KCNQ3: variants seen among roughly 807,000 people sequenced by gnomAD.
KCNQ3 encodes the protein potassium voltage-gated channel subfamily Q member 3, also known as potassium voltage-gated channel subfamily KQT member 3.
A neutral mutation model predicts 92.5 loss-of-function variants in KCNQ3; 30 were observed. The ratio of observed to expected loss-of-function variants is 0.32; its 90% CI spans 0.24 to 0.44. The LOEUF (loss-of-function observed/expected upper bound fraction) is 0.44. Ranked by LOEUF, KCNQ3 falls within the 20% of genes least tolerant of loss-of-function variation. KCNQ3 has a pLI of 1.00. For synonymous variants in KCNQ3, 450 were observed against 468.8 expected (o/e 0.96, Z 0.52); for missense variants, 913 against 1,140.3 (o/e 0.80, Z 2.87).
At chr8:132,469,069 A>G (rs1056563898) in intron 1 of KCNQ3, among the ~76,000 whole-genome samples, 1 of 152,250 alleles carries the variant, frequency 6.6e-6, no homozygotes, top group Admixed American at 6.5e-5. Flanking sequence ...GGGGGCCTCA[A>G]AACTTCACAT....
chr8:132,199,910 CAAA>C (rs66931252), intron 1 of KCNQ3, among the ~76,000 whole-genome samples: 15 of 101,832 alleles, frequency 1.5e-4, no homozygotes, highest in Middle Eastern at 6.8e-3. Flanking sequence ...ACTCAGTCTC[CAAA>C]AAAAAAAAAA....
intron 1 of KCNQ3, among the ~76,000 whole-genome samples, chr8:132,445,083 T>C (rs1821640050): frequency 6.6e-6 from 1 of 152,228 alleles, no homozygotes; most frequent in Non-Finnish European, 1.5e-5. Context: ...CTCACAATTC[T>C]ATGCCTGTTT....
Position 132,350,311 on chromosome 8 carries a change from G to A in KCNQ3, c.386+129836C>T, listed in dbSNP as rs192656012. Reference sequence around the variant, plus strand: ...GGGAGGGGCTAGGAGCTTCAGCCCTGGAGATGCTGGCTATACTTTGCTCTA... The same window carrying A: ...GGGAGGGGCTAGGAGCTTCAGCCCTAGAGATGCTGGCTATACTTTGCTCTA... On this transcript the variant is annotated intron_variant, in intron 1 of 14. Coordinates refer to ENST00000388996, the MANE Select transcript of KCNQ3 (RefSeq NM_004519.4). Among the ~76,000 whole-genome samples, 108 of 152,288 alleles carry A rather than the reference G, an allele frequency of 7.1e-4. 3 individuals are homozygous for A. The East Asian group carries it at 0.019, about 27-fold the overall frequency.
intron 14 of KCNQ3, among the ~76,000 whole-genome samples, chr8:132,131,069 G>A (rs139720244): frequency 9.9e-4 from 151 of 152,214 alleles, no homozygotes; most frequent in African/African-American, 3.5e-3. Context: ...TGACTTTTGT[G>A]AATTTTATGA....
At chr8:132,275,393 C>T (rs543665039) in intron 1 of KCNQ3, among the ~76,000 whole-genome samples, 1 of 152,120 alleles carries the variant, frequency 6.6e-6, no homozygotes, top group East Asian at 1.9e-4. Flanking sequence ...ATTGCATGAT[C>T]CCTTGAAGAG....
chr8:132,317,004 C>G (rs766069249), intron 1 of KCNQ3, among the ~76,000 whole-genome samples: 5 of 152,236 alleles, frequency 3.3e-5, no homozygotes, highest in Non-Finnish European at 5.9e-5. Flanking sequence ...ATTTACACAT[C>G]TGTCCTCCAA....
At chr8:132,273,461 AT>A (rs914156298) in intron 1 of KCNQ3, among the ~76,000 whole-genome samples, 2 of 151,878 alleles carry the variant, frequency 1.3e-5, no homozygotes, top group African/African-American at 4.8e-5. Context: ...CCATGAAACC[AT>A]TTTTTCTTCC....
chr8:132,280,174 AAAG>A (rs1436604317), intron 1 of KCNQ3, among the ~76,000 whole-genome samples: 1 of 152,216 alleles, frequency 6.6e-6, no homozygotes, highest in Non-Finnish European at 1.5e-5. Flanking sequence ...AAAATTCAAT[AAAG>A]AAGATGTCCC....
intron 1 of KCNQ3, among the ~76,000 whole-genome samples, chr8:132,295,338 A>G (rs1457925464): frequency 1.3e-5 from 2 of 152,256 alleles, no homozygotes; most frequent in Non-Finnish European, 1.5e-5. Context: ...ATGAGATAAC[A>G]TATCACACCA....
intron 1 of KCNQ3, among the ~76,000 whole-genome samples, chr8:132,297,819 C>T (rs756077949): frequency 2.5e-5 from 3 of 120,496 alleles, no homozygotes; most frequent in Non-Finnish European, 5.6e-5. Flanking sequence ...CTAACCGGAA[C>T]TCATGTATCA....
In KCNQ3 at chr8:132,120,917, A is replaced by T. The variant is rs535538176; in HGVS notation, c.*8345T>A. On this transcript the variant is annotated 3_prime_UTR_variant, in exon 15 of 15. Transcript: ENST00000388996. The stretch of plus-strand genomic sequence containing the variant: ...GCAGTATTTATTTAAGATAGAACAT[A>T]AAAAATCAGGTAAGAATTATTTGCA... The T allele has an allele frequency of 6.6e-6, 1 of 152,358 alleles. No individual in the cohort carries two copies. Among genetic ancestry groups the T allele is most frequent in the African/African-American group, 2.4e-5 (1 of 41,590 alleles). The allele number at this position is 152,358 out of a possible 1,614,324, so 9.4% of individuals were successfully genotyped here. A position where few individuals can be genotyped will look rare whatever the true frequency, so the allele number is the denominator to read the frequency against.
Position 132,140,144 on chromosome 8 carries a change from C to T in KCNQ3, c.1500G>A (p.Arg500=). 2 of 1,613,426 alleles carry T rather than the reference C, an allele frequency of 1.2e-6. No homozygotes were observed. Among genetic ancestry groups the T allele is most frequent in the Non-Finnish European group, 1.7e-6 (2 of 1,179,864 alleles). Reference sequence around the variant, plus strand: ...CGATGGGGAAGTCATTCCCATAGCCCCTGTCTTCCGCCATGGGGTCACCTG... The same window carrying T: ...CGATGGGGAAGTCATTCCCATAGCCTCTGTCTTCCGCCATGGGGTCACCTG... ...AGTGDPMAED[R]GYGNDFPIED... The change falls in exon 11 of 15, where the codon AGG becomes AGA. Residue 500 remains arginine (R), a synonymous_variant. Transcript: ENST00000388996.
chr8:132,185,801 G>A (rs1826939267), intron 2 of KCNQ3, among the ~76,000 whole-genome samples: 1 of 152,220 alleles, frequency 6.6e-6, no homozygotes. Flanking sequence ...AGAGGATTGG[G>A]AAGCTGTATT....
chr8:132,314,031 A>G (rs1276242514), intron 1 of KCNQ3, among the ~76,000 whole-genome samples: 2 of 152,196 alleles, frequency 1.3e-5, no homozygotes, highest in Non-Finnish European at 2.9e-5. Context: ...AGAGTCAGGT[A>G]AGTTGGCTTT....
At chr8:132,408,103 C>T (rs748771660) in intron 1 of KCNQ3, among the ~76,000 whole-genome samples, 25 of 141,006 alleles carry the variant, frequency 1.8e-4, no homozygotes, top group Non-Finnish European at 2.6e-4. Flanking sequence ...AATTATGCTA[C>T]GTATCCAATG....
chr8:132,439,117 A>C (rs561184253), intron 1 of KCNQ3, among the ~76,000 whole-genome samples: 18 of 151,426 alleles, frequency 1.2e-4, no homozygotes, highest in African/African-American at 4.1e-4. Flanking sequence ...ATGCCGAACC[A>C]ATTTTTTCAT....
chr8:132,146,360 T>C (rs1825446174), intron 9 of KCNQ3, among the ~76,000 whole-genome samples: 4 of 152,210 alleles, frequency 2.6e-5, no homozygotes, highest in Admixed American at 2.6e-4. Context: ...GAGGACATTA[T>C]GCTAAATGAA....
intron 7 of KCNQ3, among the ~76,000 whole-genome samples, chr8:132,171,159 A>G (rs1468122995): frequency 1.3e-5 from 2 of 152,332 alleles, no homozygotes; most frequent in African/African-American, 4.8e-5. Context: ...GAGAAAGCCT[A>G]CCAGATGAGG....
intron 1 of KCNQ3, among the ~76,000 whole-genome samples, chr8:132,244,756 C>T (rs1022105589): frequency 2.6e-5 from 4 of 152,116 alleles, no homozygotes; most frequent in African/African-American, 9.7e-5. Context: ...TGCTCCCTTT[C>T]CAAGTAAGCA....
Sources: gnomAD v4.1 joint callset for allele counts (sites outside exome capture counted in the v4.1 genomes callset) on GRCh38, gnomAD v4.1.1 for gene constraint, MANE v1.5 for transcripts, NCBI Gene and HGNC (gene_info 2026-07-23, HGNC 2026-07-21) for gene names.